GMEB1: variants seen among roughly 807,000 people sequenced by gnomAD.
GMEB1 encodes glucocorticoid modulatory element-binding protein 1.
A neutral mutation model predicts 52.4 loss-of-function variants in GMEB1; 6 were observed. The ratio of observed to expected loss-of-function variants is 0.11; its 90% CI spans 0.06 to 0.23. The LOEUF is 0.23. GMEB1 is among the 10% of genes least tolerant of loss of function. The pLI is 1.00. For synonymous variants in GMEB1, 255 were observed against 244.9 expected, an observed-to-expected ratio of 1.04 and a Z score of -0.38; for missense variants, 486 against 685.6, an observed-to-expected ratio of 0.71 and a Z score of 3.25.
At chr1:28,689,921 A>G in intron 2 of GMEB1, 183 bp from the exon 3 acceptor site, 1 of 476,088 alleles carries the variant, frequency 2.1e-6, no homozygotes, top group Non-Finnish European at 3.7e-6. Flanking sequence ...TCATGGTAGA[A>G]GCTGCTAAGC....
rs144647564 is a variant in GMEB1, at chr1:28,681,452, G to A, written c.-30-2131G>A. Among the ~76,000 whole-genome samples, 560 of 152,146 alleles carry A rather than the reference G, an allele frequency of 3.7e-3. 7 individuals are homozygous for A. The highest frequency in any genetic ancestry group is 0.013 in the African/African-American group (536 of 41,502). ...TGAAGGGAGAAGATGAGGGAGAAAG[G>A]CATTAAAGACATTTCAGGCTTAAGG... is the stretch of plus-strand genomic sequence containing the variant. On this transcript the variant is annotated intron_variant, in intron 1 of 9. Coordinates refer to ENST00000373816, the MANE Select transcript of GMEB1 (RefSeq NM_001319674.2).
intron 8 of GMEB1, among the ~76,000 whole-genome samples, chr1:28,706,977 G>GTTTTTTTTTTTTTTTTTTTTTT (rs1237383046): frequency 3.6e-5 from 3 of 82,748 alleles, no homozygotes; most frequent in Non-Finnish European, 6.5e-5. Context: ...TCCAGATTTG[G>GTTTTTTTTTTTTTTTTTTTTTT]TTTTTTTTTT....
chr1:28,673,411 C>A (rs1323351271), intron 1 of GMEB1, among the ~76,000 whole-genome samples: 3 of 152,074 alleles, frequency 2.0e-5, no homozygotes, highest in Non-Finnish European at 2.9e-5. Context: ...CACCCACAAC[C>A]ACGCCTGGCT....
At chr1:28,676,930 T>C (rs770192346) in intron 1 of GMEB1, among the ~76,000 whole-genome samples, 1 of 152,042 alleles carries the variant, frequency 6.6e-6, no homozygotes, top group East Asian at 1.9e-4. Context: ...GGCGGGCACC[T>C]GTAATCTCAG....
chr1:28,715,430 C>G lies in GMEB1; in HGVS notation c.*657C>G, dbSNP rs1318142918. 3 of 151,380 alleles carry G rather than the reference C, an allele frequency of 2.0e-5. No homozygotes were observed. Among genetic ancestry groups the G allele is most frequent in the Non-Finnish European group, 4.4e-5 (3 of 67,948 alleles). 9.4% of individuals were successfully genotyped at this position (151,380 alleles called of 1,614,324 possible). A position where few individuals can be genotyped will look rare whatever the true frequency, so the allele number is the denominator to read the frequency against. On this transcript the variant is annotated 3_prime_UTR_variant, in exon 10 of 10. Transcript: ENST00000373816. ...TGGCCAACATGGTGAAACCCCGTAT[C>G]TACTAAAAATACGAAAAAAAAATTA...
intron 9 of GMEB1, among the ~76,000 whole-genome samples, chr1:28,712,791 C>T (rs928027179): frequency 3.3e-5 from 5 of 151,490 alleles, no homozygotes; most frequent in African/African-American, 9.7e-5. Flanking sequence ...GAGCCAAGAT[C>T]GCGCCATCAC....
chr1:28,669,081 C>T (rs1407914914), intron 1 of GMEB1, among the ~76,000 whole-genome samples: 2 of 147,864 alleles, frequency 1.4e-5, no homozygotes, highest in Non-Finnish European at 3.0e-5. Context: ...AGCCGCCGGG[C>T]CGCCCCCAGC....
rs1244681277 is a variant in GMEB1 at position 28,687,384 on chromosome 1, ACAC to A, written c.129-2719_129-2717del. ...CACACACACACACACACACACACAC[ACAC>A]AAAAAAAGACAGTGGAGAATAATGT... On this transcript the variant is annotated intron_variant, in intron 2 of 9. Transcript: ENST00000373816. 7.7e-3 allele frequency among the ~76,000 whole-genome samples: 914 copies of A among 118,140 alleles called. 236 individuals are homozygous for A. Among genetic ancestry groups the A allele is most frequent in the Non-Finnish European group, 9.4e-3 (511 of 54,258 alleles). 77.5% of individuals were successfully genotyped at this position (118,140 alleles called of 152,430 possible).
Position 28,714,967 on chromosome 1 carries a change from C to T in GMEB1, c.*194C>T. ...AAATGGACAAAACAAGCTGCCCTTC[C>T]AGAAGTTGAGAGTAGGTCATTCAAT... On this transcript the variant is annotated 3_prime_UTR_variant, in exon 10 of 10. Transcript: ENST00000373816. 1 of 571,100 alleles carries T rather than the reference C, an allele frequency of 1.8e-6. No individual in the cohort carries two copies. 35.4% of individuals were successfully genotyped at this position (571,100 alleles called of 1,614,324 possible).
intron 9 of GMEB1, among the ~76,000 whole-genome samples, chr1:28,713,136 C>G (rs1283932670): frequency 2.1e-5 from 3 of 141,688 alleles, no homozygotes; most frequent in Non-Finnish European, 4.5e-5. Flanking sequence ...CCAGCCTGGG[C>G]GACAGAGCGA....
At chr1:28,696,887 G>A (rs780883303) in intron 5 of GMEB1, 40 bp from the exon 6 acceptor site, 1 of 1,529,258 alleles carries the variant, frequency 6.5e-7, no homozygotes, top group Non-Finnish European at 8.9e-7. Context: ...ACTAGATGAA[G>A]TATAGGCTGA....
intron 5 of GMEB1, among the ~76,000 whole-genome samples, chr1:28,695,796 G>A (rs1229600130): frequency 2.8e-5 from 4 of 144,628 alleles, no homozygotes; most frequent in African/African-American, 1.0e-4. Flanking sequence ...AAAATTAGCC[G>A]GGCGTAGTGG....
chr1:28,691,804 TTTTATTTA>T lies in GMEB1; in HGVS notation c.336+135_336+142del, dbSNP rs61127323. The T allele has an allele frequency of 4.9e-3, 1,169 of 238,426 alleles. 5 individuals carry two copies. The highest frequency in any genetic ancestry group is 0.018 in the African/African-American group (746 of 41,910). 14.8% of individuals were successfully genotyped at this position (238,426 alleles called of 1,614,324 possible). On this transcript the variant is annotated intron_variant, in intron 4 of 9. Transcript: ENST00000373816. ...TCCTTTTTATCTTCCACTATATCAG[TTTTATTTA>T]TTTATTTATTTATTTATTTATTTAT...
intron 9 of GMEB1, among the ~76,000 whole-genome samples, chr1:28,711,169 C>T (rs1360652096): frequency 1.3e-5 from 2 of 151,802 alleles, no homozygotes; most frequent in Non-Finnish European, 2.9e-5. Flanking sequence ...GCCTGTAGCC[C>T]CAGCTACTCG....
chr1:28,679,423 C>T (rs563292423), intron 1 of GMEB1, among the ~76,000 whole-genome samples: 5 of 152,232 alleles, frequency 3.3e-5, no homozygotes, highest in African/African-American at 9.6e-5. Flanking sequence ...AGTGATCCAC[C>T]GGTCTTGGCC....
At position 28,717,975 on chromosome 1, in the gene GMEB1, C is replaced by T. The variant is rs1430389165; in HGVS notation, c.*3202C>T. The T allele has an allele frequency of 6.6e-6, 1 of 152,154 alleles. No homozygotes were observed. The allele number at this position is 152,154 out of a possible 1,614,324, so 9.4% of individuals were successfully genotyped here. ...GATGAATTTTCCAGCTGGTGAAATA[C>T]ATGAGCTTTGTTGTTTTCCTGGTCT... On this transcript the variant is annotated 3_prime_UTR_variant, in exon 10 of 10. Transcript: ENST00000373816.
At chr1:28,670,251 C>G (rs1174578587) in intron 1 of GMEB1, among the ~76,000 whole-genome samples, 1 of 152,134 alleles carries the variant, frequency 6.6e-6, no homozygotes, top group African/African-American at 2.4e-5. Context: ...CTCCTGGGTT[C>G]AAACGATTCT....
chr1:28,669,965 C>T (rs377596640), intron 1 of GMEB1, among the ~76,000 whole-genome samples: 1 of 152,152 alleles, frequency 6.6e-6, no homozygotes, highest in African/African-American at 2.4e-5. Flanking sequence ...GCCCTGGATT[C>T]TCTCAAGATG....
chr1:28,696,520 A>G (rs1314006195), intron 5 of GMEB1, among the ~76,000 whole-genome samples: 2 of 152,170 alleles, frequency 1.3e-5, no homozygotes, highest in African/African-American at 4.8e-5. Flanking sequence ...AGAATTTACT[A>G]TAATTAAAAT....
Sources: allele counts gnomAD v4.1 joint callset (sites outside exome capture counted in the v4.1 genomes callset), GRCh38; gene constraint gnomAD v4.1.1; transcripts MANE v1.5; gene names NCBI Gene and HGNC (gene_info 2026-07-23, HGNC 2026-07-21).